The following L3MBTL4 variants were observed in gnomAD, a reference collection of about 807,000 sequenced individuals.
L3MBTL4 encodes L3MBTL histone methyl-lysine binding protein 4, also known as lethal(3)malignant brain tumor-like protein 4.
In L3MBTL4, 70 loss-of-function variants were observed where a neutral mutation model predicts 84.5. The ratio of observed to expected loss-of-function variants is 0.83; its 90% CI spans 0.68 to 1.01. The LOEUF is 1.01. L3MBTL4 is among the 50% of genes least tolerant of loss of function. The pLI is 0.00. For synonymous variants in L3MBTL4, 274 were observed against 259.8 expected, an observed-to-expected ratio of 1.05 and a Z score of -0.52; for missense variants, 715 against 754.8, an observed-to-expected ratio of 0.95 and a Z score of 0.62.
chr18:6,164,414 A>G (rs2079357944), intron 13 of L3MBTL4, among the ~76,000 whole-genome samples: 1 of 152,220 alleles, frequency 6.6e-6, no homozygotes, highest in Admixed American at 6.5e-5. Context: ...GAGTAGCCTA[A>G]CTGGGAGGCA....
intron 16 of L3MBTL4, among the ~76,000 whole-genome samples, chr18:6,038,489 C>A (rs2056249885): frequency 6.6e-6 from 1 of 152,038 alleles, no homozygotes; most frequent in Non-Finnish European, 1.5e-5. Context: ...CTCCTGACCT[C>A]ATGATCCTCC....
intron 11 of L3MBTL4, among the ~76,000 whole-genome samples, chr18:6,213,650 GATCTGCCCACCTCGGC>G (rs535056228): frequency 0.011 from 1,634 of 152,286 alleles, 22 homozygotes; most frequent in Non-Finnish European, 0.018. Context: ...GACCTCAGGT[GATCTGCCCACCTCGGC>G]ATCCCAAAGT....
At chr18:6,237,445 CTTTTTTTTT>C (rs1173599586) in intron 10 of L3MBTL4, among the ~76,000 whole-genome samples, 2 of 88,886 alleles carry the variant, frequency 2.3e-5, no homozygotes, top group African/African-American at 9.4e-5. Context: ...CCTAGTACAT[CTTTTTTTTT>C]TTTTTTTTTT....
Position 5,956,196 on chromosome 18 carries a change from C to T in L3MBTL4, c.*24G>A, listed in dbSNP as rs1567907899. The T allele has an allele frequency of 6.2e-7, 1 of 1,600,922 alleles. No individual in the cohort carries two copies. Among genetic ancestry groups the T allele is most frequent in the Non-Finnish European group, 8.5e-7 (1 of 1,171,800 alleles). On this transcript the variant is annotated 3_prime_UTR_variant, in exon 19 of 19. Transcript: ENST00000317931. Reference sequence around the variant, plus strand: ...TGCTGAAAGAGCGCAGGTCTTGGTGCCAGAGGAAGTTCAGGGAGCCCATTC... The same window carrying T: ...TGCTGAAAGAGCGCAGGTCTTGGTGTCAGAGGAAGTTCAGGGAGCCCATTC...
chr18:6,313,184 C>T (rs959507668), intron 1 of L3MBTL4, among the ~76,000 whole-genome samples: 3 of 152,140 alleles, frequency 2.0e-5, no homozygotes, highest in East Asian at 1.9e-4. Flanking sequence ...CCTTATTTTC[C>T]GCTGTCTAGA....
rs964334032 is a variant in L3MBTL4, at chr18:6,014,280, T to C, written c.1445-44718A>G. On this transcript the variant is annotated intron_variant, in intron 16 of 18. Coordinates refer to ENST00000317931, the MANE Select transcript of L3MBTL4 (RefSeq NM_001330559.2). ...TAAAATTTCACCTACCACTGATGAATTCTCTATAATGTGGGCCTTCTTCTT... is the reference window on the plus strand; with the variant it reads ...TAAAATTTCACCTACCACTGATGAACTCTCTATAATGTGGGCCTTCTTCTT... Among the ~76,000 whole-genome samples, 4 of 152,162 alleles carry C rather than the reference T, an allele frequency of 2.6e-5. 1 individual carries two copies. Among genetic ancestry groups the C allele is most frequent in the African/African-American group, 4.8e-5 (2 of 41,438 alleles).
intron 1 of L3MBTL4, among the ~76,000 whole-genome samples, chr18:6,343,606 G>A (rs923415425): frequency 8.1e-5 from 12 of 147,556 alleles, no homozygotes; most frequent in South Asian, 2.1e-4. Flanking sequence ...AGCTTGCAGC[G>A]AGTCAAGATC....
At chr18:6,200,050 C>A (rs2045585463) in intron 12 of L3MBTL4, among the ~76,000 whole-genome samples, 1 of 152,106 alleles carries the variant, frequency 6.6e-6, no homozygotes, top group Admixed American at 6.6e-5. Context: ...AGCTCAGTGA[C>A]AACAAGGAGT....
intron 15 of L3MBTL4, among the ~76,000 whole-genome samples, chr18:6,081,748 T>G (rs1483398682): frequency 6.6e-6 from 1 of 152,214 alleles, no homozygotes; most frequent in Non-Finnish European, 1.5e-5. Context: ...GGAAACCGAT[T>G]CAGTTACCAA....
intron 13 of L3MBTL4, among the ~76,000 whole-genome samples, chr18:6,151,647 G>A (rs1186182073): frequency 6.6e-6 from 1 of 151,968 alleles, no homozygotes; most frequent in Admixed American, 6.6e-5. Flanking sequence ...CACCCGCCTC[G>A]ACCTCCCAAA....
chr18:6,067,716 G>A (rs1158889278), intron 16 of L3MBTL4, among the ~76,000 whole-genome samples: 2 of 151,820 alleles, frequency 1.3e-5, no homozygotes, highest in Middle Eastern at 6.8e-3. Flanking sequence ...ATTTCTTTAT[G>A]TTGTTTTTTA....
intron 1 of L3MBTL4, among the ~76,000 whole-genome samples, chr18:6,353,594 G>T (rs2053302114): frequency 6.6e-6 from 1 of 152,052 alleles, no homozygotes; most frequent in Non-Finnish European, 1.5e-5. Flanking sequence ...GAGTAAAGTT[G>T]CAGGATACTA....
In L3MBTL4 at chr18:6,311,021, A is replaced by C. The variant is rs561802148; in HGVS notation, c.72+533T>G. ...ACCTGGACTCAAGACTGCAGCACCA[A>C]CTCCTCCCTGGGCCTCCTGCCTATC... On this transcript the variant is annotated intron_variant, in intron 3 of 18. Coordinates refer to ENST00000317931, the MANE Select transcript of L3MBTL4 (RefSeq NM_001330559.2). Among the ~76,000 whole-genome samples the C allele has an allele frequency of 6.6e-5, 10 of 151,538 alleles. No individual in the cohort carries two copies. In the East Asian group the frequency reaches 2.0e-3, roughly 30 times the overall value.
At chr18:5,972,899 GAATAGAATAGAATAGAATAGAATAGAAT>G (rs2052719221) in intron 16 of L3MBTL4, among the ~76,000 whole-genome samples, 9 of 11,232 alleles carry the variant, frequency 8.0e-4, no homozygotes, top group South Asian at 4.0e-3. Flanking sequence ...GAAGAGAATA[GAATAGAATAGAATAGAATAGAATAGAAT>G]AGAATAGAAT....
chr18:6,126,198 G>A (rs977482258), intron 14 of L3MBTL4, among the ~76,000 whole-genome samples: 2 of 152,022 alleles, frequency 1.3e-5, no homozygotes, highest in Non-Finnish European at 2.9e-5. Flanking sequence ...GACTATAAGT[G>A]GTTTTTATTT....
intron 16 of L3MBTL4, among the ~76,000 whole-genome samples, chr18:6,067,197 T>C (rs1247158580): frequency 1.3e-5 from 2 of 152,160 alleles, no homozygotes; most frequent in Admixed American, 6.5e-5. Flanking sequence ...CCTTTATAGG[T>C]CACCTTATGC....
At position 6,171,923 on chromosome 18, in the gene L3MBTL4, T is replaced by C. The variant is rs1434743363; in HGVS notation, c.1001A>G (p.Asp334Gly). ...QRVKVHFDGW[D>G]HKYDYWVEAD... ...CTCCACCCAGTAGTCATACTTATGG[T>C]CCCAACCATCAAAATGAACCTGTTA... The change falls in exon 13 of 19, where the codon GAC becomes GGC. Residue 334 changes from aspartate (D) to glycine (G), a missense_variant. Asp to Gly is a moderately conservative substitution (Grantham distance 94). Transcript: ENST00000317931. 3 of 1,550,006 alleles carry C rather than the reference T, an allele frequency of 1.9e-6. No individual in the cohort carries two copies. The highest frequency in any genetic ancestry group is 2.0e-5 in the Admixed American group (1 of 50,814).
chr18:6,186,072 G>A (rs1022224581), intron 12 of L3MBTL4, among the ~76,000 whole-genome samples: 1 of 151,392 alleles, frequency 6.6e-6, no homozygotes, highest in Non-Finnish European at 1.5e-5. Flanking sequence ...GAGTGCAGTG[G>A]TGCAGTCTCA....
At chr18:6,055,721 A>T (rs2145843500) in intron 16 of L3MBTL4, among the ~76,000 whole-genome samples, 1 of 152,334 alleles carries the variant, frequency 6.6e-6, no homozygotes, top group South Asian at 2.1e-4. Context: ...TTAGCCAAGC[A>T]CAAAGCATCA....
Sources: gnomAD v4.1 joint callset for allele counts (sites outside exome capture counted in the v4.1 genomes callset) on GRCh38, gnomAD v4.1.1 for gene constraint, MANE v1.5 for transcripts, NCBI Gene and HGNC (gene_info 2026-07-23, HGNC 2026-07-21) for gene names.